SGMS1: variants seen among roughly 807,000 people sequenced by gnomAD.
The protein encoded by SGMS1 is phosphatidylcholine:ceramide cholinephosphotransferase 1.
A neutral mutation model predicts 46.2 loss-of-function variants in SGMS1; 13 were observed. The ratio of observed to expected loss-of-function variants is 0.28; its 90% CI spans 0.18 to 0.45. The LOEUF (loss-of-function observed/expected upper bound fraction) is 0.45. Among genes scored for constraint, SGMS1 ranks in the 20% least tolerant of loss-of-function variants. SGMS1 has a pLI of 1.00. For synonymous variants in SGMS1, 203 were observed against 187.8 expected (o/e 1.08, Z -0.66); for missense variants, 324 against 519.9 (o/e 0.62, Z 3.66).
chr10:50,439,901 C>A (rs1421836547), intron 5 of SGMS1, among the ~76,000 whole-genome samples: 1 of 152,190 alleles, frequency 6.6e-6, no homozygotes, highest in African/African-American at 2.4e-5. Context: ...TTCGTCGATT[C>A]ATTCAACAGG....
At chr10:50,325,383 G>C (rs995306047) in intron 8 of SGMS1, among the ~76,000 whole-genome samples, 7 of 152,140 alleles carry the variant, frequency 4.6e-5, no homozygotes, top group African/African-American at 1.7e-4. Context: ...TCTAAGGTGT[G>C]CTAATATTTC....
chr10:50,501,243 A>G (rs1588855599), intron 3 of SGMS1, among the ~76,000 whole-genome samples: 1 of 152,320 alleles, frequency 6.6e-6, no homozygotes, highest in African/African-American at 2.4e-5. Flanking sequence ...GCACACCAGC[A>G]TCTCCCTTGT....
At chr10:50,437,555 A>G (rs1395899491) in intron 5 of SGMS1, among the ~76,000 whole-genome samples, 1 of 152,208 alleles carries the variant, frequency 6.6e-6, no homozygotes, top group African/African-American at 2.4e-5. Context: ...ACTAAAGACT[A>G]ACTAAGACAC....
chr10:50,557,099 C>A (rs936491382), intron 2 of SGMS1, among the ~76,000 whole-genome samples: 5 of 152,180 alleles, frequency 3.3e-5, no homozygotes, highest in African/African-American at 1.2e-4. Flanking sequence ...GTTAATCTTT[C>A]TAGAAGATCC....
At chr10:50,560,928 A>G (rs1838231216) in intron 2 of SGMS1, among the ~76,000 whole-genome samples, 1 of 152,160 alleles carries the variant, frequency 6.6e-6, no homozygotes, top group African/African-American at 2.4e-5. Flanking sequence ...AGGGACAGAA[A>G]AGTCCTGCTG....
Position 50,306,387 on chromosome 10 carries a change from CAAG to C in SGMS1, c.*752_*754del, listed in dbSNP as rs1212376395. The C allele has an allele frequency of 2.6e-5, 4 of 152,584 alleles. No individual in the cohort carries two copies. Among genetic ancestry groups the C allele is most frequent in the Non-Finnish European group, 5.9e-5 (4 of 67,982 alleles). The allele number at this position is 152,584 out of a possible 1,614,324, so 9.5% of individuals were successfully genotyped here. A position where few individuals can be genotyped will look rare whatever the true frequency, so the allele number is the denominator to read the frequency against. On this transcript the variant is annotated 3_prime_UTR_variant, in exon 11 of 11. Coordinates refer to ENST00000361781, the MANE Select transcript of SGMS1 (RefSeq NM_147156.4). ...TTGCCTACTGACCATACAATCAAGA[CAAG>C]AAAGGCACTAGAAACATAGACAAAT... is the stretch of plus-strand genomic sequence containing the variant.
At chr10:50,625,117 C>T (rs1838910799), upstream of SGMS1, 1 of 952,408 alleles carries the variant, frequency 1.0e-6, no homozygotes. Flanking sequence ...TGTACCGACC[C>T]CTGGCTTGCC....
chr10:50,512,835 C>A (rs1264831173), intron 3 of SGMS1, among the ~76,000 whole-genome samples: 1 of 152,200 alleles, frequency 6.6e-6, no homozygotes, highest in East Asian at 1.9e-4. Flanking sequence ...TCTTAACCAG[C>A]ACCTTGGCCT....
intron 1 of SGMS1, among the ~76,000 whole-genome samples, chr10:50,597,559 A>G (rs1011050294): frequency 1.3e-5 from 2 of 152,216 alleles, no homozygotes; most frequent in African/African-American, 4.8e-5. Context: ...TCTTACAAAG[A>G]AAAAATTATA....
intron 6 of SGMS1, among the ~76,000 whole-genome samples, chr10:50,387,818 T>C (rs1040013247): frequency 6.6e-6 from 1 of 152,128 alleles, no homozygotes; most frequent in Non-Finnish European, 1.5e-5. Flanking sequence ...GGAAGATTTA[T>C]AGAGAGAAAA....
chr10:50,370,434 A>T (rs1347968764), intron 6 of SGMS1, among the ~76,000 whole-genome samples: 6 of 151,108 alleles, frequency 4.0e-5, no homozygotes, highest in Non-Finnish European at 5.9e-5. Context: ...TTACTTAAAA[A>T]ATTTTTTTTT....
At chr10:50,335,060 T>G (rs918240376) in intron 7 of SGMS1, 16 of 152,242 alleles carry the variant, frequency 1.1e-4, no homozygotes, top group African/African-American at 3.9e-4. Context: ...GGACACTGGC[T>G]TTAATGCCAT....
chr10:50,379,483 A>T (rs558824926), intron 6 of SGMS1, among the ~76,000 whole-genome samples: 1 of 152,274 alleles, frequency 6.6e-6, no homozygotes, highest in South Asian at 2.1e-4. Context: ...AGCATAAAAC[A>T]TCTAGAAACA....
intron 6 of SGMS1, among the ~76,000 whole-genome samples, chr10:50,420,297 G>C (rs764903341): frequency 6.6e-6 from 1 of 152,166 alleles, no homozygotes; most frequent in South Asian, 2.1e-4. Flanking sequence ...ACCAATAGGC[G>C]TAACATGAAG....
chr10:50,424,912 CAAA>C (rs55683387), intron 6 of SGMS1, among the ~76,000 whole-genome samples: 1 of 52,156 alleles, frequency 1.9e-5, no homozygotes, highest in African/African-American at 7.8e-5. Context: ...AACTCCGTCT[CAAA>C]AAAAAAAAAA....
intron 1 of SGMS1, among the ~76,000 whole-genome samples, chr10:50,598,985 G>T (rs1203275921): frequency 6.6e-6 from 1 of 152,136 alleles, no homozygotes; most frequent in African/African-American, 2.4e-5. Context: ...ATGTCTGAAT[G>T]GTAAAGTGAG....
intron 6 of SGMS1, among the ~76,000 whole-genome samples, chr10:50,358,616 G>A (rs1028620464): frequency 3.3e-5 from 5 of 152,164 alleles, no homozygotes; most frequent in African/African-American, 1.2e-4. Flanking sequence ...TAGAACCTGG[G>A]AGGCAGAGGC....
chr10:50,450,627 G>A (rs2133660005), intron 5 of SGMS1, among the ~76,000 whole-genome samples: 1 of 151,912 alleles, frequency 6.6e-6, no homozygotes, highest in South Asian at 2.1e-4. Flanking sequence ...AAATAGTTCA[G>A]GAAGAAATAA....
chr10:50,347,167 C>T (rs551053253), intron 6 of SGMS1, among the ~76,000 whole-genome samples: 10 of 152,278 alleles, frequency 6.6e-5, no homozygotes, highest in South Asian at 4.1e-4. Context: ...AAAGAGCCTA[C>T]GAGTGAATGT....
Sources: gnomAD v4.1 joint callset for allele counts (sites outside exome capture counted in the v4.1 genomes callset) on GRCh38, gnomAD v4.1.1 for gene constraint, MANE v1.5 for transcripts, NCBI Gene and HGNC (gene_info 2026-07-23, HGNC 2026-07-21) for gene names.